The following CCNY variants were observed in gnomAD, a reference collection of about 807,000 sequenced individuals.
CCNY encodes cyclin-Y.
CCNY carries 19 observed loss-of-function variants against 42.8 expected under a neutral mutation model. That is an observed-to-expected ratio of 0.44 (90% CI 0.31 to 0.65). CCNY has a LOEUF of 0.65. Ranked by LOEUF, CCNY falls within the 30% of genes least tolerant of loss-of-function variation. CCNY has a pLI of 0.07. For missense variants in CCNY, 370 were observed against 437.3 expected, an observed-to-expected ratio of 0.85 and a Z score of 1.37; for synonymous variants, 165 against 162.7, an observed-to-expected ratio of 1.01 and a Z score of -0.11.
At chr10:35,567,631 A>G (rs1427903439) in intron 9 of CCNY, among the ~76,000 whole-genome samples, 1 of 152,240 alleles carries the variant, frequency 6.6e-6, no homozygotes, top group Non-Finnish European at 1.5e-5. Flanking sequence ...TGGCATCATG[A>G]TGGCTTGGCC....
intron 5 of CCNY, 125 bp from the exon 6 acceptor site, chr10:35,529,848 C>T (rs1195662916): frequency 2.4e-6 from 2 of 841,166 alleles, no homozygotes; most frequent in East Asian, 5.4e-5. Flanking sequence ...CCAGCCTGGG[C>T]AACAGAGTGA....
chr10:35,357,537 T>C (rs1836585520), intron 1 of CCNY, among the ~76,000 whole-genome samples: 1 of 152,234 alleles, frequency 6.6e-6, no homozygotes, highest in African/African-American at 2.4e-5. Flanking sequence ...CTTTGTCTAG[T>C]GTTTCCTCTG....
intron 1 of CCNY, among the ~76,000 whole-genome samples, chr10:35,381,999 T>C (rs1334426663): frequency 6.6e-6 from 1 of 152,310 alleles, no homozygotes; most frequent in East Asian, 1.9e-4. Flanking sequence ...ATCAAGAAAA[T>C]AATAGTTACT....
At chr10:35,516,661 CTTTTTTTT>C (rs35268084) in intron 4 of CCNY, 38 bp downstream of exon 4, 508 of 327,418 alleles carry the variant, frequency 1.6e-3, no homozygotes, top group African/African-American at 0.014. Context: ...TCCTTCCTTC[CTTTTTTTT>C]TTTTTTTTTT....
intron 3 of CCNY, among the ~76,000 whole-genome samples, chr10:35,296,958 CCA>C: frequency 6.6e-6 from 1 of 152,062 alleles, no homozygotes; most frequent in Middle Eastern, 3.4e-3. Context: ...TTTTATGAGG[CCA>C]GTGTCATCCT....
At chr10:35,319,382 A>AAAAC (rs375462688) in intron 3 of CCNY, among the ~76,000 whole-genome samples, 271 of 152,292 alleles carry the variant, frequency 1.8e-3, no homozygotes, top group East Asian at 0.01. Flanking sequence ...AACCTATCTC[A>AAAAC]AAACAAACAA....
At chr10:35,503,421 C>T (rs554690438) in intron 3 of CCNY, among the ~76,000 whole-genome samples, 13 of 152,260 alleles carry the variant, frequency 8.5e-5, no homozygotes, top group East Asian at 3.9e-4. Context: ...GAACAGACCT[C>T]GCTGCAAATG....
At chr10:35,445,607 C>T (rs531847573) in intron 1 of CCNY, among the ~76,000 whole-genome samples, 8 of 152,056 alleles carry the variant, frequency 5.3e-5, no homozygotes, top group Non-Finnish European at 1.0e-4. Context: ...TGTTTTGAGG[C>T]TATTTGGAGC....
At chr10:35,366,686 A>G (rs2135165858) in intron 1 of CCNY, among the ~76,000 whole-genome samples, 1 of 152,012 alleles carries the variant, frequency 6.6e-6, no homozygotes, top group South Asian at 2.1e-4. Flanking sequence ...CTTGGAACTC[A>G]CTCTTTTTGT....
At chr10:35,407,900 G>A (rs1362975376) in intron 1 of CCNY, among the ~76,000 whole-genome samples, 1 of 152,162 alleles carries the variant, frequency 6.6e-6, no homozygotes, top group Non-Finnish European at 1.5e-5. Flanking sequence ...CCAGTGGAAC[G>A]TGGGTGAATA....
chr10:35,517,028 TGTTCCCA>T (rs1166808110), intron 4 of CCNY, among the ~76,000 whole-genome samples: 1 of 152,212 alleles, frequency 6.6e-6, no homozygotes, highest in African/African-American at 2.4e-5. Flanking sequence ...GAGACTCCTA[TGTTCCCA>T]GTTGGAGACC....
intron 1 of CCNY, among the ~76,000 whole-genome samples, chr10:35,341,470 ATACTAGC>A (rs1361087194): frequency 3.3e-5 from 5 of 152,390 alleles, no homozygotes; most frequent in East Asian, 3.9e-4. Flanking sequence ...ATAAACATAA[ATACTAGC>A]TACTAGCTAC....
At chr10:35,506,741 G>T (rs1015054221) in intron 3 of CCNY, among the ~76,000 whole-genome samples, 1 of 152,180 alleles carries the variant, frequency 6.6e-6, no homozygotes, top group East Asian at 1.9e-4. Flanking sequence ...CAAGTGACGG[G>T]GCCACTGAGC....
intron 1 of CCNY, among the ~76,000 whole-genome samples, chr10:35,387,404 C>T (rs1837321447): frequency 6.6e-6 from 1 of 152,202 alleles, no homozygotes; most frequent in Non-Finnish European, 1.5e-5. Flanking sequence ...GGCTGCTCTA[C>T]AGCTGGACAG....
chr10:35,556,907 G>A (rs548343379), intron 8 of CCNY, among the ~76,000 whole-genome samples: 129 of 150,840 alleles, frequency 8.6e-4, no homozygotes, highest in Non-Finnish European at 1.5e-3. Context: ...GTCCAATGGC[G>A]TGATCTTGGC....
intron 1 of CCNY, among the ~76,000 whole-genome samples, chr10:35,363,702 C>G (rs555327891): frequency 6.6e-6 from 1 of 152,306 alleles, no homozygotes; most frequent in Non-Finnish European, 1.5e-5. Flanking sequence ...GAGACTGACA[C>G]TGTCAGTCAG....
At chr10:35,360,917 A>G (rs2063820491) in intron 1 of CCNY, among the ~76,000 whole-genome samples, 1 of 152,094 alleles carries the variant, frequency 6.6e-6, no homozygotes, top group East Asian at 1.9e-4. Context: ...CTGGAGTGCA[A>G]CGGCACGATC....
chr10:35,335,315 C>T (rs924103708), upstream of CCNY, among the ~76,000 whole-genome samples: 1 of 151,990 alleles, frequency 6.6e-6, no homozygotes, highest in African/African-American at 2.4e-5. Context: ...ATGACAAAAC[C>T]CGATGGCATT....
chr10:35,252,586 AAAAAAAT>A (rs1440031764), intron 3 of CCNY, among the ~76,000 whole-genome samples: 882 of 66,570 alleles, frequency 0.013, 33 homozygotes, highest in African/African-American at 0.046. Flanking sequence ...AAAAAAAAAA[AAAAAAAT>A]GAGAATATCC....
Sources: gnomAD v4.1 joint callset for allele counts (sites outside exome capture counted in the v4.1 genomes callset) on GRCh38, gnomAD v4.1.1 for gene constraint, MANE v1.5 for transcripts, NCBI Gene and HGNC (gene_info 2026-07-23, HGNC 2026-07-21) for gene names.